Variants in MYO18B observed in about 807,000 individuals in gnomAD.
MYO18B encodes myosin XVIIIB, also known as unconventional myosin-XVIIIb.
In MYO18B, 204 loss-of-function variants were observed where a neutral mutation model predicts 273.0. That is an observed-to-expected ratio of 0.75 (90% CI 0.67 to 0.84). The LOEUF is 0.84. Ranked by LOEUF, MYO18B falls within the 40% of genes least tolerant of loss-of-function variation. The pLI is 0.00. For missense variants in MYO18B, 3,212 were observed against 3,287.6 expected (o/e 0.98, Z 0.56); for synonymous variants, 1,330 against 1,305.7 (o/e 1.02, Z -0.40).
intron 15 of MYO18B, among the ~76,000 whole-genome samples, chr22:25,830,438 A>T (rs1357412703): frequency 6.6e-6 from 1 of 152,168 alleles, no homozygotes; most frequent in Non-Finnish European, 1.5e-5. Context: ...TTGGTCCAGG[A>T]TGGTTCTTGA....
intron 40 of MYO18B, among the ~76,000 whole-genome samples, chr22:26,002,911 C>T (rs1934095384): frequency 6.6e-6 from 1 of 152,178 alleles, no homozygotes; most frequent in Non-Finnish European, 1.5e-5. Flanking sequence ...ACAGCTAATA[C>T]CTTGCTTGTT....
intron 7 of MYO18B, 105 bp downstream of exon 7, chr22:25,772,615 C>A: frequency 8.5e-7 from 1 of 1,175,984 alleles, no homozygotes; most frequent in South Asian, 1.6e-5. Flanking sequence ...AGCCCCCAGT[C>A]GACCTGTCTG....
At chr22:25,757,802 C>T (rs375567498) in intron 1 of MYO18B, among the ~76,000 whole-genome samples, 23 of 152,278 alleles carry the variant, frequency 1.5e-4, no homozygotes, top group South Asian at 1.5e-3. Context: ...TTTCCTCCCA[C>T]TTGATTTTCT....
At chr22:25,859,079 A>T (rs1307336551) in intron 21 of MYO18B, among the ~76,000 whole-genome samples, 1 of 152,206 alleles carries the variant, frequency 6.6e-6, no homozygotes, top group Non-Finnish European at 1.5e-5. Context: ...TTTCATATAC[A>T]CAGAGTAAAT....
chr22:25,919,177 G>A (rs9608428), intron 33 of MYO18B, among the ~76,000 whole-genome samples: 33,405 of 152,048 alleles, frequency 0.22, 4,657 homozygotes, highest in Non-Finnish European at 0.32. Flanking sequence ...CCCCTAGCTA[G>A]GAGTAGCTAC....
At chr22:25,851,910 A>G (rs1470054021) in intron 21 of MYO18B, among the ~76,000 whole-genome samples, 1 of 152,136 alleles carries the variant, frequency 6.6e-6, no homozygotes. Flanking sequence ...CCCCACAACA[A>G]TGTCACTTGG....
chr22:25,978,949 T>A lies in MYO18B; in HGVS notation c.6157-13414T>A, dbSNP rs75617736. 5.7e-3 allele frequency among the ~76,000 whole-genome samples: 864 copies of A among 152,168 alleles called. 2 individuals carry two copies. The highest frequency in any genetic ancestry group is 0.037 in the Middle Eastern group (11 of 294). On this transcript the variant is annotated intron_variant, in intron 39 of 43. Coordinates refer to ENST00000335473, the MANE Select transcript of MYO18B (RefSeq NM_032608.7). ...GCAACAGAGCAAGACTCTGTCTCCA[T>A]AAAAAAAGAACTATCTGAATCTTTA...
chr22:25,965,641 C>G (rs2092969448), intron 39 of MYO18B, among the ~76,000 whole-genome samples: 2 of 152,146 alleles, frequency 1.3e-5, no homozygotes, highest in African/African-American at 4.8e-5. Context: ...CATACAGGTA[C>G]AAAAAGCACA....
intron 40 of MYO18B, among the ~76,000 whole-genome samples, chr22:26,002,311 G>A (rs988296001): frequency 1.3e-5 from 2 of 152,146 alleles, no homozygotes; most frequent in African/African-American, 2.4e-5. Flanking sequence ...TTCTTCTGTT[G>A]GATTCACCAA....
intron 33 of MYO18B, among the ~76,000 whole-genome samples, chr22:25,911,358 A>G (rs1157301371): frequency 6.6e-6 from 1 of 152,256 alleles, no homozygotes; most frequent in Non-Finnish European, 1.5e-5. Context: ...GTGAATGGCC[A>G]CTGCACACAT....
chr22:25,876,418 T>A, intron 24 of MYO18B, 86 bp downstream of exon 24: 1 of 1,395,200 alleles, frequency 7.2e-7, no homozygotes, highest in Admixed American at 2.6e-5. Context: ...TGTGCCCCTA[T>A]TCCTGAATGT....
chr22:25,992,308 T>C, intron 39 of MYO18B, 55 bp from the exon 40 acceptor site: 1 of 1,604,204 alleles, frequency 6.2e-7, no homozygotes, highest in Non-Finnish European at 8.5e-7. Flanking sequence ...AGTGCATGCA[T>C]GGGTGGTGCA....
At chr22:25,752,380 G>T (rs2085957262) in intron 1 of MYO18B, among the ~76,000 whole-genome samples, 1 of 150,914 alleles carries the variant, frequency 6.6e-6, no homozygotes, top group South Asian at 2.1e-4. Flanking sequence ...GTAGAGACGG[G>T]GTTTCACCGT....
At chr22:26,046,490 T>G in the MYO18B span, among the ~76,000 whole-genome samples, 1 of 152,214 alleles carries the variant, frequency 6.6e-6, no homozygotes, top group Non-Finnish European at 1.5e-5. Flanking sequence ...TTTTGCTTCC[T>G]TTATCTAATC....
chr22:26,021,171 C>CT, intron 42 of MYO18B, among the ~76,000 whole-genome samples: 1 of 152,244 alleles, frequency 6.6e-6, no homozygotes, highest in Admixed American at 6.5e-5. Flanking sequence ...ATCTGAAGCT[C>CT]TTTTTTTGCT....
chr22:25,754,625 G>A (rs1282539086), intron 1 of MYO18B, among the ~76,000 whole-genome samples: 1 of 152,174 alleles, frequency 6.6e-6, no homozygotes, highest in Non-Finnish European at 1.5e-5. Context: ...AATGTCTATG[G>A]CCACCTCATG....
chr22:25,816,404 G>T (rs1489113519), intron 12 of MYO18B, among the ~76,000 whole-genome samples: 2 of 152,076 alleles, frequency 1.3e-5, no homozygotes, highest in South Asian at 4.1e-4. Context: ...GTGCAGGTTT[G>T]TTACATAGGT....
chr22:25,990,371 TA>T lies in MYO18B; in HGVS notation c.6157-1991del, dbSNP rs561349337. Reference sequence around the variant, plus strand: ...CCTCGCTGACTGACCTTGCTGGCTTTAGTTTCCTCATCTGCAAAATAAAGAA... The same window carrying T: ...CCTCGCTGACTGACCTTGCTGGCTTTGTTTCCTCATCTGCAAAATAAAGAA... On this transcript the variant is annotated intron_variant, in intron 39 of 43. Coordinates refer to ENST00000335473, the MANE Select transcript of MYO18B (RefSeq NM_032608.7). Among the ~76,000 whole-genome samples the T allele has an allele frequency of 9.9e-5, 15 of 152,122 alleles. No homozygotes were observed. In the South Asian group the frequency reaches 3.1e-3, roughly 32 times the overall value.
the MYO18B span, among the ~76,000 whole-genome samples, chr22:26,037,322 G>T: frequency 6.6e-6 from 1 of 152,182 alleles, no homozygotes; most frequent in South Asian, 2.1e-4. Context: ...TTTAGAGCCT[G>T]TCTGGCCAGC....
Sources: allele counts gnomAD v4.1 joint callset (sites outside exome capture counted in the v4.1 genomes callset), GRCh38; gene constraint gnomAD v4.1.1; transcripts MANE v1.5; gene names NCBI Gene and HGNC (gene_info 2026-07-23, HGNC 2026-07-21).